Variants in GOLGA5 observed in about 807,000 individuals in gnomAD.
GOLGA5 encodes the protein golgin subfamily A member 5.
A neutral mutation model predicts 93.5 loss-of-function variants in GOLGA5; 50 were observed. The observed-to-expected ratio is 0.53, with a 90% confidence interval of 0.43 to 0.68. The LOEUF is 0.68. Ranked by LOEUF, GOLGA5 falls within the 30% of genes least tolerant of loss-of-function variation. GOLGA5 has a pLI of 0.00. For missense variants in GOLGA5, 760 were observed against 856.4 expected (o/e 0.89, Z 1.40); for synonymous variants, 312 against 304.5 (o/e 1.02, Z -0.26).
intron 1 of GOLGA5, among the ~76,000 whole-genome samples, chr14:92,795,432 A>G (rs1884704574): frequency 6.6e-6 from 1 of 151,806 alleles, no homozygotes; most frequent in Non-Finnish European, 1.5e-5. Context: ...GTTTGGCACT[A>G]GGGTAACTTA....
intron 2 of GOLGA5, among the ~76,000 whole-genome samples, chr14:92,799,651 G>T (rs1209292857): frequency 1.3e-5 from 2 of 151,290 alleles, no homozygotes; most frequent in Non-Finnish European, 2.9e-5. Flanking sequence ...TTGTCGCCCA[G>T]GCTGGAGTGC....
At chr14:92,815,562 T>C (rs917532018) in intron 6 of GOLGA5, among the ~76,000 whole-genome samples, 1 of 152,078 alleles carries the variant, frequency 6.6e-6, no homozygotes. Flanking sequence ...TTTGGCCAGG[T>C]GTGATGGCTC....
At chr14:92,805,542 T>C (rs1371232486) in intron 2 of GOLGA5, among the ~76,000 whole-genome samples, 1 of 152,250 alleles carries the variant, frequency 6.6e-6, no homozygotes, top group East Asian at 1.9e-4. Context: ...GGTAGCTGCA[T>C]GTTTAATTTC....
intron 1 of GOLGA5, among the ~76,000 whole-genome samples, chr14:92,795,666 G>A (rs1884710024): frequency 6.6e-6 from 1 of 152,182 alleles, no homozygotes; most frequent in Non-Finnish European, 1.5e-5. Context: ...ATTCATTGGT[G>A]AGCAAAACAG....
intron 8 of GOLGA5, among the ~76,000 whole-genome samples, chr14:92,820,336 A>T (rs1464102923): frequency 1.3e-5 from 2 of 152,176 alleles, no homozygotes; most frequent in Middle Eastern, 3.2e-3. Flanking sequence ...TCTCCACCCA[A>T]ACATCTCAGT....
At chr14:92,812,777 T>C (rs1885128881) in intron 6 of GOLGA5, among the ~76,000 whole-genome samples, 1 of 152,138 alleles carries the variant, frequency 6.6e-6, no homozygotes, top group African/African-American at 2.4e-5. Flanking sequence ...CTACTGCTGT[T>C]TCTGTCTCTC....
intron 2 of GOLGA5, among the ~76,000 whole-genome samples, chr14:92,801,914 C>A (rs1035151530): frequency 6.6e-6 from 1 of 151,978 alleles, no homozygotes; most frequent in African/African-American, 2.4e-5. Flanking sequence ...CCAGTGCCAC[C>A]CTGTTTTAAT....
chr14:92,807,168 T>G lies in GOLGA5; in HGVS notation c.772+205T>G, dbSNP rs977808877. ...TACAAAAAAATTAGTCAGATGTGGT[T>G]GCAGGCACCTGTAATCCCAGCCACT... is the stretch of plus-strand genomic sequence containing the variant. On this transcript the variant is annotated intron_variant, in intron 3 of 12. Coordinates refer to ENST00000163416, the MANE Select transcript of GOLGA5 (RefSeq NM_005113.4). Among the ~76,000 whole-genome samples, 7 of 152,134 alleles carry G rather than the reference T, an allele frequency of 4.6e-5. No homozygotes were observed. The East Asian group carries it at 1.4e-3, about 29-fold the overall frequency.
intron 6 of GOLGA5, among the ~76,000 whole-genome samples, chr14:92,814,958 A>T (rs1885173363): frequency 6.6e-6 from 1 of 152,132 alleles, no homozygotes; most frequent in Non-Finnish European, 1.5e-5. Context: ...TAAAAAAAAA[A>T]TTTAGCTTGC....
chr14:92,810,564 T>C, intron 5 of GOLGA5, 187 bp downstream of exon 5: 2 of 400,190 alleles, frequency 5.0e-6, no homozygotes, highest in South Asian at 6.4e-5. Context: ...TAATTTTATG[T>C]GTTGAGAGAC....
In GOLGA5 at chr14:92,797,995, C is replaced by T; in HGVS notation, c.544+14C>T. 6.6e-7 allele frequency: 1 copy of T among 1,513,298 alleles called. No homozygotes were observed. Among genetic ancestry groups the T allele is most frequent in the Non-Finnish European group, 8.9e-7 (1 of 1,121,530 alleles). The allele number at this position is 1,513,298 out of a possible 1,614,324, so 93.7% of individuals were successfully genotyped here. A position where few individuals can be genotyped will look rare whatever the true frequency, so the allele number is the denominator to read the frequency against. On this transcript the variant is annotated intron_variant, in intron 2 of 12. Coordinates refer to ENST00000163416, the MANE Select transcript of GOLGA5 (RefSeq NM_005113.4). ...GCCAAACCCACGGTAGTTAATCAGTCCTCTTATTTCTTTTAGAGTTAAGCA... is the reference window on the plus strand; with the variant it reads ...GCCAAACCCACGGTAGTTAATCAGTTCTCTTATTTCTTTTAGAGTTAAGCA...
At chr14:92,807,307 TAAATAAATAA>T (rs1566954189) in intron 3 of GOLGA5, among the ~76,000 whole-genome samples, 3 of 89,402 alleles carry the variant, frequency 3.4e-5, no homozygotes, top group African/African-American at 1.5e-4. Flanking sequence ...ATCTCAAAAA[TAAATAAATAA>T]AAATAAAATA....
chr14:92,811,308 AAAGGCCTTGGATGGC>A (rs1885097326), intron 5 of GOLGA5, among the ~76,000 whole-genome samples: 1 of 152,164 alleles, frequency 6.6e-6, no homozygotes, highest in African/African-American at 2.4e-5. Context: ...TAAGCTTGGG[AAAGGCCTTGGATGGC>A]TATATTTTTA....
chr14:92,837,497 A>T, intron 12 of GOLGA5, 48 bp downstream of exon 12: 1 of 709,376 alleles, frequency 1.4e-6, no homozygotes, highest in Non-Finnish European at 2.3e-6. Context: ...ATTTTTAACT[A>T]GTTTTTTTTT....
Position 92,812,533 on chromosome 14 carries a change from G to A in GOLGA5, c.1320+779G>A, listed in dbSNP as rs117146754. Among the ~76,000 whole-genome samples, 1,025 of 152,206 alleles carry A rather than the reference G, an allele frequency of 6.7e-3. 9 individuals are homozygous for A. Among genetic ancestry groups the A allele is most frequent in the Middle Eastern group, 0.017 (5 of 294 alleles). Reference sequence around the variant, plus strand: ...TGTCATGCTTACCAGAATTGTGTACGTGCTGTCTTCATTTCTGTAGAACTT... The same window carrying A: ...TGTCATGCTTACCAGAATTGTGTACATGCTGTCTTCATTTCTGTAGAACTT... On this transcript the variant is annotated intron_variant, in intron 6 of 12. Coordinates refer to ENST00000163416, the MANE Select transcript of GOLGA5 (RefSeq NM_005113.4).
chr14:92,824,980 T>G (rs890497738), intron 9 of GOLGA5, among the ~76,000 whole-genome samples: 1 of 152,236 alleles, frequency 6.6e-6, no homozygotes, highest in Admixed American at 6.5e-5. Context: ...AAAAATCTAA[T>G]GATACATCTT....
intron 3 of GOLGA5, among the ~76,000 whole-genome samples, chr14:92,808,441 A>G (rs1184807076): frequency 1.3e-5 from 2 of 152,166 alleles, no homozygotes; most frequent in Admixed American, 6.5e-5. Flanking sequence ...CAATAACAGC[A>G]TGGGCAACAG....
chr14:92,819,549 C>G (rs144260082), intron 7 of GOLGA5, among the ~76,000 whole-genome samples, 159 bp from the exon 8 acceptor site: 2 of 152,062 alleles, frequency 1.3e-5, no homozygotes, highest in African/African-American at 4.8e-5. Context: ...GGAGGATCCC[C>G]TTGAGCCCAG....
chr14:92,807,765 A>T (rs1333416501), intron 3 of GOLGA5, among the ~76,000 whole-genome samples: 1 of 152,158 alleles, frequency 6.6e-6, no homozygotes, highest in African/African-American at 2.4e-5. Flanking sequence ...TAATCTCATT[A>T]TGGAGGTAGT....
Sources: allele counts gnomAD v4.1 joint callset (sites outside exome capture counted in the v4.1 genomes callset), GRCh38; gene constraint gnomAD v4.1.1; transcripts MANE v1.5; gene names NCBI Gene and HGNC (gene_info 2026-07-23, HGNC 2026-07-21).